ANKRD44: variants seen among roughly 807,000 people sequenced by gnomAD.
ANKRD44 encodes the protein serine/threonine-protein phosphatase 6 regulatory ankyrin repeat subunit B.
ANKRD44 carries 35 observed loss-of-function variants against 116.0 expected under a neutral mutation model. The observed-to-expected ratio is 0.30, with a 90% CI of 0.23 to 0.40. The LOEUF (loss-of-function observed/expected upper bound fraction) is 0.40. ANKRD44 is among the 10% of genes least tolerant of loss of function. The pLI is 1.00. For missense variants in ANKRD44, 1,014 were observed against 1,242.6 expected, an observed-to-expected ratio of 0.82 and a Z score of 2.77; for synonymous variants, 435 against 461.8, an observed-to-expected ratio of 0.94 and a Z score of 0.74.
At position 196,989,252 on chromosome 2, in the gene ANKRD44, G is replaced by C; in HGVS notation, c.*339C>G. 1 of 968,648 alleles carries C rather than the reference G, an allele frequency of 1.0e-6. No individual in the cohort carries two copies. The highest frequency in any genetic ancestry group is 1.2e-6 in the Non-Finnish European group (1 of 818,278). 60.0% of individuals were successfully genotyped at this position (968,648 alleles called of 1,614,324 possible). ...AAATATAAACACATTTACAGCAAAA[G>C]TATATGGACATTTTCTCTAGTTTGG... is the stretch of plus-strand genomic sequence containing the variant. On this transcript the variant is annotated 3_prime_UTR_variant, in exon 28 of 28. Transcript: ENST00000282272.
chr2:197,066,470 T>G (rs1292467188), intron 16 of ANKRD44, among the ~76,000 whole-genome samples: 1 of 152,114 alleles, frequency 6.6e-6, no homozygotes, highest in Non-Finnish European at 1.5e-5. Flanking sequence ...AAATAAAGGG[T>G]ATTCAATTAG....
intron 21 of ANKRD44, among the ~76,000 whole-genome samples, chr2:196,975,414 C>A (rs1007841611): frequency 1.3e-5 from 2 of 152,108 alleles, no homozygotes; most frequent in Non-Finnish European, 2.9e-5. Flanking sequence ...AAATCTTTTT[C>A]AAAATAGAAG....
rs67655796 is a variant in ANKRD44 at position 197,246,350 on chromosome 2, C to CTTTTTTTTTT, written c.28-59254_28-59245dup. 2.1e-4 allele frequency among the ~76,000 whole-genome samples: 14 copies of CTTTTTTTTTT among 65,866 alleles called. 6 individuals carry two copies. The highest frequency in any genetic ancestry group is 3.2e-4 in the Non-Finnish European group (13 of 40,062). The allele number at this position is 65,866 out of a possible 152,430, so 43.2% of individuals were successfully genotyped here. ...TACAAGTATGCACCACTACATCTGG[C>CTTTTTTTTTT]TTTTTTTTTTTTTTTTTTTTTTTTT... On this transcript the variant is annotated intron_variant, in intron 1 of 27. Coordinates refer to ENST00000282272, the MANE Select transcript of ANKRD44 (RefSeq NM_001195144.2).
intron 9 of ANKRD44, among the ~76,000 whole-genome samples, chr2:197,100,343 G>A (rs978260285): frequency 1.3e-5 from 2 of 152,158 alleles, no homozygotes; most frequent in Non-Finnish European, 2.9e-5. Context: ...GCTGAGGCAG[G>A]AGAATCGCTT....
intron 1 of ANKRD44, among the ~76,000 whole-genome samples, chr2:197,261,946 G>C (rs1355245657): frequency 6.6e-6 from 1 of 152,226 alleles, no homozygotes; most frequent in Middle Eastern, 3.4e-3. Flanking sequence ...TCTGTGTGAC[G>C]GGACAAGAGA....
intron 14 of ANKRD44, 59 bp from the exon 15 acceptor site, chr2:197,081,784 G>A: frequency 2.9e-6 from 4 of 1,393,648 alleles, no homozygotes; most frequent in Non-Finnish European, 4.0e-6. Context: ...TGGCAAAGCT[G>A]TTAATGGTTT....
chr2:197,275,630 G>A (rs745522058), intron 1 of ANKRD44, among the ~76,000 whole-genome samples: 90 of 152,118 alleles, frequency 5.9e-4, no homozygotes, highest in Non-Finnish European at 1.0e-3. Context: ...TAGGGCTATT[G>A]CACTTTCTAT....
chr2:197,304,309 G>A (rs980857024), intron 1 of ANKRD44, among the ~76,000 whole-genome samples: 1 of 152,052 alleles, frequency 6.6e-6, no homozygotes, highest in Admixed American at 6.6e-5. Context: ...GCGAGACTCT[G>A]TCCCAAAAAA....
At chr2:197,108,015 G>GA (rs1383784799) in intron 9 of ANKRD44, among the ~76,000 whole-genome samples, 1 of 152,210 alleles carries the variant, frequency 6.6e-6, no homozygotes, top group East Asian at 1.9e-4. Flanking sequence ...CTTTTACAGG[G>GA]AAAACTCTAT....
chr2:197,123,449 G>A (rs2078904120), intron 6 of ANKRD44, among the ~76,000 whole-genome samples: 1 of 152,008 alleles, frequency 6.6e-6, no homozygotes, highest in South Asian at 2.1e-4. Flanking sequence ...TGTACAACAT[G>A]GTGAAACCCC....
At chr2:197,110,409 TA>T (rs2078538009) in intron 9 of ANKRD44, among the ~76,000 whole-genome samples, 1 of 152,226 alleles carries the variant, frequency 6.6e-6, no homozygotes, top group African/African-American at 2.4e-5. Flanking sequence ...CTCTAAAATT[TA>T]AAAATAATTC....
In ANKRD44 at chr2:197,130,318, G is replaced by C. The variant is rs147409277; in HGVS notation, c.262-4281C>G. Among the ~76,000 whole-genome samples the C allele has an allele frequency of 1.3e-3, 203 of 152,298 alleles. 2 individuals carry two copies. The highest frequency in any genetic ancestry group is 3.9e-3 in the South Asian group (19 of 4,826). On this transcript the variant is annotated intron_variant, in intron 4 of 27. Transcript: ENST00000282272. The stretch of plus-strand genomic sequence containing the variant: ...TTATTCTAAGAACTAGGAGTGCAAA[G>C]GCAGTTCACTGGAGACTTTGGGATA...
At chr2:197,055,473 T>C (rs1335471811) in intron 16 of ANKRD44, among the ~76,000 whole-genome samples, 1 of 152,202 alleles carries the variant, frequency 6.6e-6, no homozygotes, top group Non-Finnish European at 1.5e-5. Context: ...TATCCAGTTA[T>C]TCCTTTTGGT....
intron 16 of ANKRD44, among the ~76,000 whole-genome samples, chr2:197,032,110 T>C (rs560277987): frequency 5.3e-5 from 8 of 152,266 alleles, no homozygotes; most frequent in Admixed American, 1.3e-4. Context: ...GAAGACAATA[T>C]ACTATTACAT....
intron 1 of ANKRD44, among the ~76,000 whole-genome samples, chr2:197,297,539 T>A (rs535605642): frequency 6.6e-6 from 1 of 152,192 alleles, no homozygotes; most frequent in South Asian, 2.1e-4. Flanking sequence ...TATCACAACT[T>A]CCCCGTAAAG....
intron 4 of ANKRD44, chr2:197,135,637 A>G (rs2079197795): frequency 6.6e-6 from 1 of 152,236 alleles, no homozygotes; most frequent in Non-Finnish European, 1.5e-5. Flanking sequence ...CCTAGACTGT[A>G]CCAGGCTTGG....
intron 18 of ANKRD44, among the ~76,000 whole-genome samples, chr2:197,009,827 T>C (rs73049610): frequency 0.05 from 7,627 of 152,198 alleles, 428 homozygotes; most frequent in African/African-American, 0.14. Flanking sequence ...CCACCTTCCT[T>C]TTCTAGTTCC....
chr2:197,014,726 G>A lies in ANKRD44; in HGVS notation c.1723-1014C>T, dbSNP rs373053515. ...GCTTGAACCCAAGGCGGAGGTTGCA[G>A]TGAGCTATTATCACGACTCTGCACT... On this transcript the variant is annotated intron_variant, in intron 17 of 27. Transcript: ENST00000282272. Among the ~76,000 whole-genome samples, 16 of 151,830 alleles carry A rather than the reference G, an allele frequency of 1.1e-4. No individual in the cohort carries two copies. The East Asian group carries it at 1.5e-3, about 15-fold the overall frequency.
At chr2:197,044,809 C>A (rs754801925) in intron 16 of ANKRD44, among the ~76,000 whole-genome samples, 2 of 151,808 alleles carry the variant, frequency 1.3e-5, no homozygotes, top group Non-Finnish European at 2.9e-5. Flanking sequence ...AGTTTATACA[C>A]ACAAATTCCT....
Sources: gnomAD v4.1 joint callset for allele counts (sites outside exome capture counted in the v4.1 genomes callset) on GRCh38, gnomAD v4.1.1 for gene constraint, MANE v1.5 for transcripts, NCBI Gene and HGNC (gene_info 2026-07-23, HGNC 2026-07-21) for gene names.